The following NKTR variants were observed in gnomAD, a reference collection of about 807,000 sequenced individuals.
NKTR encodes the protein natural killer cell triggering receptor.
Under a neutral mutation model 156.3 loss-of-function variants are expected in NKTR, and 67 were observed. The observed-to-expected ratio is 0.43, with a 90% CI of 0.35 to 0.53. The LOEUF is 0.53. Among genes scored for constraint, NKTR ranks in the 20% least tolerant of loss-of-function variants. The pLI, the probability that NKTR is intolerant of heterozygous loss-of-function variation, is 0.01. For synonymous variants in NKTR, 640 were observed against 596.6 expected, an observed-to-expected ratio of 1.07 and a Z score of -1.06; for missense variants, 1,604 against 1,730.9, an observed-to-expected ratio of 0.93 and a Z score of 1.30.
intron 1 of NKTR, 37 bp from the exon 2 acceptor site, chr3:42,600,946 GC>G: frequency 8.6e-7 from 1 of 1,159,166 alleles, no homozygotes. Flanking sequence ...CCCCGCCCTC[GC>G]CCCTGCCCTG....
chr3:42,647,505 A>G lies in NKTR; in HGVS notation c.*1530A>G, dbSNP rs1039331848. On this transcript the variant is annotated 3_prime_UTR_variant, in exon 17 of 17. Transcript: ENST00000232978. ...GGAGGGAGCTGACAACCCTTGGTGG[A>G]GGGAGGGTGCCCTTGAATGTATTAA... 2.6e-5 allele frequency: 4 copies of G among 152,120 alleles called. No homozygotes were observed. Among genetic ancestry groups the G allele is most frequent in the African/African-American group, 9.6e-5 (4 of 41,488 alleles). The allele number at this position is 152,120 out of a possible 1,614,324, so 9.4% of individuals were successfully genotyped here.
At chr3:42,620,261 T>G (rs968233048) in intron 5 of NKTR, 44 of 1,238,964 alleles carry the variant, frequency 3.6e-5, no homozygotes, top group African/African-American at 1.6e-4. Context: ...AGTTGTGGGG[T>G]TTTTTTTCCC....
chr3:42,633,347 G>A, intron 9 of NKTR: 1 of 1,280,074 alleles, frequency 7.8e-7, no homozygotes, highest in Non-Finnish European at 9.9e-7. Context: ...TGGCCTCCTG[G>A]AACTCTTAAA....
At chr3:42,613,337 T>A (rs941048712) in intron 2 of NKTR, among the ~76,000 whole-genome samples, 28 of 152,142 alleles carry the variant, frequency 1.8e-4, no homozygotes, top group African/African-American at 6.8e-4. Flanking sequence ...GTAAATAATA[T>A]TTGAGTAAAT....
rs1709594709 is a variant in NKTR at position 42,638,293 on chromosome 3, G to T, written c.2589G>T (p.Glu863Asp). 2 of 1,606,584 alleles carry T rather than the reference G, an allele frequency of 1.2e-6. No homozygotes were observed. Among genetic ancestry groups the T allele is most frequent in the Non-Finnish European group, 1.7e-6 (2 of 1,178,106 alleles). ...CPHSKKRTLK[E>D]NLSDHLRNGS... ...ATTCAAAAAAAAGAACTTTGAAAGA[G>T]AATCTTTCTGATCACCTTAGAAATG... The change falls in exon 13 of 17, where the codon GAG (glutamate) becomes GAT (aspartate). Residue 863 changes from glutamate (E) to aspartate (D), a missense_variant. Glu to Asp is a conservative substitution (Grantham distance 45). This residue lies in a region of NKTR where 1,255 missense variants were observed against 1,243.7 expected (regional missense o/e 1.01). Transcript: ENST00000232978.
chr3:42,630,443 C>T, intron 6 of NKTR, 103 bp from the exon 7 acceptor site: 2 of 1,565,274 alleles, frequency 1.3e-6, no homozygotes, highest in Non-Finnish European at 1.7e-6. Context: ...ATCTTTTTAT[C>T]TTTACTTCTT....
At chr3:42,630,628 A>G (rs953384819) in intron 7 of NKTR, 53 bp downstream of exon 7, 7 of 1,611,924 alleles carry the variant, frequency 4.3e-6, no homozygotes, top group Non-Finnish European at 5.9e-6. Context: ...GCCAGCCATA[A>G]AGAGAGATTG....
intron 6 of NKTR, among the ~76,000 whole-genome samples, chr3:42,624,254 A>G (rs1559567229): frequency 6.6e-6 from 1 of 151,736 alleles, no homozygotes; most frequent in African/African-American, 2.4e-5. Flanking sequence ...TCGGGGGTCT[A>G]TATAGAAGAA....
At chr3:42,639,851 T>A in intron 13 of NKTR, 101 bp downstream of exon 13, 1 of 871,476 alleles carries the variant, frequency 1.1e-6, no homozygotes, top group South Asian at 1.7e-5. Context: ...TTTCCAAATA[T>A]CTGAAAGGAA....
chr3:42,625,589 TG>T (rs1200779378), intron 6 of NKTR, among the ~76,000 whole-genome samples: 4 of 152,184 alleles, frequency 2.6e-5, no homozygotes, highest in Non-Finnish European at 5.9e-5. Context: ...GTTGATGTTT[TG>T]GGTAATAAAA....
rs192325424 is a variant in NKTR, at chr3:42,616,329, G to A, written c.59-1241G>A. ...GTAATTAATTGCAAATCAGAATTAC[G>A]TTTCTTATTTTATTGATACGCTTTC... is the stretch of plus-strand genomic sequence containing the variant. On this transcript the variant is annotated intron_variant, in intron 2 of 16. Transcript: ENST00000232978. Among the ~76,000 whole-genome samples, 672 of 152,224 alleles carry A rather than the reference G, an allele frequency of 4.4e-3. 4 individuals carry two copies. Among genetic ancestry groups the A allele is most frequent in the African/African-American group, 0.015 (637 of 41,520 alleles).
chr3:42,642,384 G>A, intron 13 of NKTR, 117 bp from the exon 14 acceptor site: 1 of 693,472 alleles, frequency 1.4e-6, no homozygotes, highest in Non-Finnish European at 2.5e-6. Flanking sequence ...ACTGTGAGGA[G>A]TTTGTGAGAG....
intron 5 of NKTR, chr3:42,620,883 A>G: frequency 1.1e-6 from 1 of 951,192 alleles, no homozygotes; most frequent in Non-Finnish European, 1.3e-6. Flanking sequence ...TTCCTTAGAT[A>G]ATTTTGTGAT....
At chr3:42,620,106 A>G (rs1707767766) in intron 5 of NKTR, 48 of 1,520,396 alleles carry the variant, frequency 3.2e-5, no homozygotes, top group Non-Finnish European at 4.1e-5. Context: ...TTCCTAATAA[A>G]TTTATGGACA....
rs1246858790 is a variant in NKTR, at chr3:42,646,692, T to C, written c.*717T>C. On this transcript the variant is annotated 3_prime_UTR_variant, in exon 17 of 17. Transcript: ENST00000232978. ...TTTTAATCAATACCGATCAGAAGTT[T>C]AGGTTATAAAAACAATTCTACTTCA... 3.3e-5 allele frequency: 5 copies of C among 152,674 alleles called. No homozygotes were observed. The highest frequency in any genetic ancestry group is 1.2e-4 in the African/African-American group (5 of 41,470). 9.5% of individuals were successfully genotyped at this position (152,674 alleles called of 1,614,324 possible).
chr3:42,608,076 G>A (rs148831434), intron 2 of NKTR, among the ~76,000 whole-genome samples: 4,758 of 135,474 alleles, frequency 0.035, 123 homozygotes, highest in East Asian at 0.13. Context: ...TGCAACCTCC[G>A]CCTCCCGGGT....
intron 6 of NKTR, chr3:42,629,279 T>C (rs1186233714): frequency 1.0e-6 from 1 of 971,822 alleles, no homozygotes; most frequent in African/African-American, 1.8e-5. Context: ...ATTTCCACTT[T>C]TCAATCTTCT....
At chr3:42,617,674 C>T in intron 3 of NKTR, 30 bp downstream of exon 3, 1 of 1,208,242 alleles carries the variant, frequency 8.3e-7, no homozygotes, top group Non-Finnish European at 1.2e-6. Context: ...CAATGAGAAG[C>T]TGTGGCTTAC....
chr3:42,608,514 AT>A (rs1404362856), intron 2 of NKTR, among the ~76,000 whole-genome samples: 2 of 152,126 alleles, frequency 1.3e-5, no homozygotes, highest in Non-Finnish European at 2.9e-5. Flanking sequence ...GCCCTCCCTC[AT>A]TGTGTTCACC....
Sources: gnomAD v4.1 joint callset for allele counts (sites outside exome capture counted in the v4.1 genomes callset) on GRCh38, gnomAD v4.1.1 for gene constraint, gnomAD v4.1.1 regional missense constraint, MANE v1.5 for transcripts, NCBI Gene and HGNC (gene_info 2026-07-23, HGNC 2026-07-21) for gene names.